RELN: variants seen among roughly 807,000 people sequenced by gnomAD.
RELN encodes reelin.
Under a neutral mutation model 427.6 loss-of-function variants are expected in RELN, and 108 were observed. The ratio of observed to expected loss-of-function variants is 0.25; its 90% CI spans 0.22 to 0.30. The LOEUF (loss-of-function observed/expected upper bound fraction) is 0.30. Among genes scored for constraint, RELN ranks in the 10% least tolerant of loss-of-function variants. The pLI is 1.00. For synonymous variants in RELN, 1,524 were observed against 1,513.4 expected (o/e 1.01, Z -0.16); for missense variants, 3,715 against 4,302.8 (o/e 0.86, Z 3.82).
intron 1 of RELN, among the ~76,000 whole-genome samples, chr7:103,969,148 C>CAA (rs5886293): frequency 0.17 from 26,010 of 150,264 alleles, 2,287 homozygotes; most frequent in Middle Eastern, 0.31. Flanking sequence ...TTTGCATTTG[C>CAA]AAAAAAAAAA....
At chr7:103,821,523 G>A (rs1053682778) in intron 3 of RELN, among the ~76,000 whole-genome samples, 2 of 152,138 alleles carry the variant, frequency 1.3e-5, no homozygotes, top group Admixed American at 6.6e-5. Flanking sequence ...TTATGGTGCT[G>A]AGATGAGCCA....
chr7:103,856,585 A>AAAG (rs1554431484), intron 2 of RELN, among the ~76,000 whole-genome samples: 9 of 133,264 alleles, frequency 6.8e-5, no homozygotes, highest in East Asian at 2.4e-4. Context: ...AAAAAAAAAA[A>AAAG]AAAGAAAGAA....
intron 3 of RELN, among the ~76,000 whole-genome samples, chr7:103,795,269 C>G (rs1042478394): frequency 6.6e-6 from 1 of 152,158 alleles, no homozygotes; most frequent in African/African-American, 2.4e-5. Flanking sequence ...TAAGTATTGG[C>G]TTTAGAAAGT....
Position 103,989,356 on chromosome 7 carries a change from T to TGCCGCG in RELN, c.-1_1insCGCGGC, listed in dbSNP as rs1797175809. On this transcript the variant is annotated 5_prime_UTR_variant, in exon 1 of 65. Coordinates refer to ENST00000428762, the MANE Select transcript of RELN (RefSeq NM_005045.4). The surrounding 1 kb of genome is among the most constrained non-coding windows in gnomAD (Gnocchi z 4.9). The stretch of plus-strand genomic sequence containing the variant: ...TGCCGGGCCCAGCCACTGCGCTCCA[T>TGCCGCG]GCCGCCGCCGCCGCCGCCGCCGCCG... 4 of 1,407,848 alleles carry TGCCGCG rather than the reference T, an allele frequency of 2.8e-6. No homozygotes were observed. The highest frequency in any genetic ancestry group is 3.7e-6 in the Non-Finnish European group (4 of 1,082,216). The allele number at this position is 1,407,848 out of a possible 1,614,324, so 87.2% of individuals were successfully genotyped here.
At chr7:103,624,399 T>A (rs1395626012) in intron 20 of RELN, among the ~76,000 whole-genome samples, 1 of 152,046 alleles carries the variant, frequency 6.6e-6, no homozygotes, top group Non-Finnish European at 1.5e-5. Flanking sequence ...CACATACCAC[T>A]CAATGTTACC....
chr7:103,945,425 T>C (rs766918977), intron 1 of RELN, among the ~76,000 whole-genome samples: 1 of 152,136 alleles, frequency 6.6e-6, no homozygotes, highest in Non-Finnish European at 1.5e-5. Context: ...AACTGTAGTA[T>C]TATTTTGGCC....
At chr7:103,540,718 C>T (rs955447502) in intron 43 of RELN, among the ~76,000 whole-genome samples, 9 of 152,088 alleles carry the variant, frequency 5.9e-5, no homozygotes, top group African/African-American at 2.2e-4. Context: ...GCCTGAGGGA[C>T]CTGAGTGTTC....
chr7:103,724,164 T>G (rs1202145365), intron 7 of RELN, among the ~76,000 whole-genome samples: 2 of 141,278 alleles, frequency 1.4e-5, no homozygotes, highest in Non-Finnish European at 3.1e-5. Context: ...GTTGTCTTAC[T>G]TTTGCTGCTT....
intron 8 of RELN, among the ~76,000 whole-genome samples, chr7:103,708,857 T>C (rs927764009): frequency 9.9e-5 from 15 of 152,276 alleles, no homozygotes; most frequent in Admixed American, 2.0e-4. Flanking sequence ...TCTAATAAAA[T>C]GCTAACCCCG....
At position 103,872,840 on chromosome 7, in the gene RELN, T is replaced by G. The variant is rs375854884; in HGVS notation, c.338-39168A>C. Among the ~76,000 whole-genome samples, 12 of 150,718 alleles carry G rather than the reference T, an allele frequency of 8.0e-5. No homozygotes were observed. The East Asian group carries it at 1.0e-3, about 13-fold the overall frequency. On this transcript the variant is annotated intron_variant, in intron 2 of 64. Transcript: ENST00000428762. ...TGATGATGAGTGTTTTTTCATGTGT[T>G]TTTTGGCTGCATAAATGTCTTCTTT...
chr7:103,589,822 T>C lies in RELN; in HGVS notation c.3919A>G (p.Ile1307Val). ...CTGCTGAATTGATTGGCACAACCTATGTTTAGCTGTTAAAAGGAAGGACAA... is the reference window on the plus strand; with the variant it reads ...CTGCTGAATTGATTGGCACAACCTACGTTTAGCTGTTAAAAGGAAGGACAA... ...PGYVLQFKLN[I>V]GCANQFSSTA... The change falls in exon 28 of 65, where the codon ATA becomes GTA. Residue 1307 changes from isoleucine (I) to valine (V), a missense_variant. Physicochemically the swap from Ile to Val is conservative, Grantham distance 29 (BLOSUM62 3). Transcript: ENST00000428762. 3.8e-6 allele frequency: 6 copies of C among 1,592,266 alleles called. No homozygotes were observed. The highest frequency in any genetic ancestry group is 5.2e-6 in the Non-Finnish European group (6 of 1,160,088).
At chr7:103,736,920 G>T (rs961821060) in intron 6 of RELN, among the ~76,000 whole-genome samples, 1 of 152,176 alleles carries the variant, frequency 6.6e-6, no homozygotes, top group African/African-American at 2.4e-5. Context: ...AGAGGGGAAT[G>T]AGGGGGAGGA....
chr7:103,520,843 C>G (rs2711853), intron 48 of RELN, among the ~76,000 whole-genome samples: 1 of 151,600 alleles, frequency 6.6e-6, no homozygotes, highest in Admixed American at 6.6e-5. Context: ...ATGCTATATG[C>G]CTTCTTGCTA....
At position 103,475,308 on chromosome 7, in the gene RELN, G is replaced by T. The variant is rs202019806; in HGVS notation, c.10287-2400C>A. Among the ~76,000 whole-genome samples, 11 of 150,914 alleles carry T rather than the reference G, an allele frequency of 7.3e-5. No individual in the cohort carries two copies. In the East Asian group the frequency reaches 2.1e-3, roughly 29 times the overall value. On this transcript the variant is annotated intron_variant, in intron 64 of 64. Coordinates refer to ENST00000428762, the MANE Select transcript of RELN (RefSeq NM_005045.4). Reference sequence around the variant, plus strand: ...CTTGGCTCCCCACAACTAAACTTTTGTTGGTATGGGGGCCAGTCCCCCAAC... The same window carrying T: ...CTTGGCTCCCCACAACTAAACTTTTTTTGGTATGGGGGCCAGTCCCCCAAC...
chr7:103,817,945 A>G (rs1201604991), intron 3 of RELN, among the ~76,000 whole-genome samples: 3 of 149,262 alleles, frequency 2.0e-5, no homozygotes, highest in African/African-American at 7.4e-5. Flanking sequence ...CTCAAAAAAA[A>G]AAAAAAAAAA....
chr7:103,671,339 T>C (rs1833388611), intron 11 of RELN, among the ~76,000 whole-genome samples: 3 of 152,110 alleles, frequency 2.0e-5, no homozygotes, highest in Admixed American at 2.0e-4. Flanking sequence ...TTGAATTTAA[T>C]TTTGTTTTAG....
Position 103,589,686 on chromosome 7 carries a change from C to G in RELN, c.4055G>C (p.Arg1352Thr). ...SAGKGCEGNS[R>T]ELSEPTMYHT... is the part of the protein sequence containing the mutation. ...ATACATGGTGGGCTCACTTAGTTCT[C>G]TGGAGTTTCCTTCGCATCCTTTGCC... The change falls in exon 28 of 65, where the codon AGA becomes ACA. Residue 1352 changes from arginine (R) to threonine (T), a missense_variant. This residue lies in a region of RELN where 2,208 missense variants were observed against 2,361.7 expected (regional missense o/e 0.93). Coordinates refer to ENST00000428762, the MANE Select transcript of RELN (RefSeq NM_005045.4). 1 of 1,614,130 alleles carries G rather than the reference C, an allele frequency of 6.2e-7. No homozygotes were observed.
At chr7:103,847,844 T>C (rs912869986) in intron 2 of RELN, among the ~76,000 whole-genome samples, 1 of 152,188 alleles carries the variant, frequency 6.6e-6, no homozygotes, top group Non-Finnish European at 1.5e-5. Context: ...AGTTGGGTTG[T>C]GAATTAAACA....
At chr7:103,827,469 T>G (rs1393548873) in intron 3 of RELN, among the ~76,000 whole-genome samples, 1 of 152,052 alleles carries the variant, frequency 6.6e-6, no homozygotes, top group Admixed American at 6.6e-5. Context: ...TTTATTGACA[T>G]ATTTTATCTC....
Sources: allele counts gnomAD v4.1 joint callset (sites outside exome capture counted in the v4.1 genomes callset), GRCh38; gene constraint gnomAD v4.1.1; regional missense constraint gnomAD v4.1.1; non-coding constraint Gnocchi (gnomAD v3.1); transcripts MANE v1.5; gene names NCBI Gene and HGNC (gene_info 2026-07-23, HGNC 2026-07-21).